OTUD7A: variants seen among roughly 807,000 people sequenced by gnomAD.
OTUD7A encodes OTU domain-containing protein 7A.
A neutral mutation model predicts 65.7 loss-of-function variants in OTUD7A; 12 were observed. That is an observed-to-expected ratio of 0.18 (90% CI 0.12 to 0.30). The LOEUF (loss-of-function observed/expected upper bound fraction) is 0.30. Ranked by LOEUF, OTUD7A falls within the 10% of genes least tolerant of loss-of-function variation. The pLI is 1.00. For missense variants in OTUD7A, 1,148 were observed against 1,304.8 expected (o/e 0.88, Z 1.85); for synonymous variants, 641 against 586.3 (o/e 1.09, Z -1.35).
chr15:31,577,699 C>CAA (rs1166272872), intron 3 of OTUD7A, among the ~76,000 whole-genome samples: 1 of 151,436 alleles, frequency 6.6e-6, no homozygotes, highest in Non-Finnish European at 1.5e-5. Flanking sequence ...GACTCCGTCT[C>CAA]AAAAAATATA....
At chr15:31,591,562 T>C (rs1889724681) in intron 3 of OTUD7A, among the ~76,000 whole-genome samples, 1 of 152,182 alleles carries the variant, frequency 6.6e-6, no homozygotes, top group Admixed American at 6.5e-5. Context: ...GGCCTTGGAC[T>C]CAGCTGGAAC....
chr15:31,622,926 G>A (rs1355811133), intron 3 of OTUD7A, among the ~76,000 whole-genome samples: 2 of 152,164 alleles, frequency 1.3e-5, no homozygotes, highest in African/African-American at 4.8e-5. Flanking sequence ...TGATGGTGAC[G>A]TACAGATGGG....
chr15:31,553,808 T>C (rs1260792007), intron 5 of OTUD7A, among the ~76,000 whole-genome samples: 1 of 152,046 alleles, frequency 6.6e-6, no homozygotes, highest in Non-Finnish European at 1.5e-5. Flanking sequence ...CTCTCTGCCC[T>C]GGTCTGGAGC....
chr15:31,609,557 C>T (rs1160846826), intron 3 of OTUD7A, among the ~76,000 whole-genome samples: 1 of 152,122 alleles, frequency 6.6e-6, no homozygotes, highest in African/African-American at 2.4e-5. Flanking sequence ...ACAGCAGCCG[C>T]AGCACAGCAA....
rs373553586 is a variant in OTUD7A, at chr15:31,702,640, T to C, written c.-99-45563A>G. ...TGTAGAAACATACTGTGTCCACAGA[T>C]TGAAAAACTCAATACACTAATGATG... On this transcript the variant is annotated intron_variant, in intron 1 of 12. Coordinates refer to ENST00000307050, the MANE Select transcript of OTUD7A (RefSeq NM_001382637.1). 3.4e-4 allele frequency among the ~76,000 whole-genome samples: 51 copies of C among 152,134 alleles called. No individual in the cohort carries two copies. In the South Asian group the frequency reaches 9.6e-3, roughly 28 times the overall value.
At chr15:31,703,015 C>T (rs1292456252) in intron 1 of OTUD7A, among the ~76,000 whole-genome samples, 1 of 151,736 alleles carries the variant, frequency 6.6e-6, no homozygotes, top group East Asian at 1.9e-4. Flanking sequence ...GAACAAGGGA[C>T]AGGCATAGGC....
intron 3 of OTUD7A, among the ~76,000 whole-genome samples, chr15:31,613,328 T>TA (rs764021176): frequency 6.6e-6 from 1 of 151,998 alleles, no homozygotes; most frequent in African/African-American, 2.4e-5. Context: ...TTTTGCATGG[T>TA]AAAAGGAACA....
intron 3 of OTUD7A, among the ~76,000 whole-genome samples, chr15:31,631,399 G>T (rs1275909084): frequency 6.6e-6 from 1 of 152,208 alleles, no homozygotes; most frequent in Non-Finnish European, 1.5e-5. Context: ...TTTTCTTTAA[G>T]AATGTTGAAT....
At chr15:31,602,706 C>A (rs1890116261) in intron 3 of OTUD7A, among the ~76,000 whole-genome samples, 1 of 152,152 alleles carries the variant, frequency 6.6e-6, no homozygotes, top group Non-Finnish European at 1.5e-5. Flanking sequence ...TAGAAAACCC[C>A]ACCATTTCAG....
chr15:31,644,182 T>C (rs1891598102), intron 3 of OTUD7A, among the ~76,000 whole-genome samples: 1 of 152,066 alleles, frequency 6.6e-6, no homozygotes, highest in Admixed American at 6.5e-5. Context: ...TTTCACACCC[T>C]ATGTAGGTAA....
intron 1 of OTUD7A, among the ~76,000 whole-genome samples, chr15:31,868,873 G>A (rs1024195609): frequency 1.3e-5 from 2 of 152,118 alleles, no homozygotes; most frequent in African/African-American, 4.8e-5. Flanking sequence ...CACCAATACA[G>A]GGTTCAAGAG....
At chr15:31,765,924 CTGTT>C (rs1311441787) in intron 1 of OTUD7A, 34 of 1,293,594 alleles carry the variant, frequency 2.6e-5, no homozygotes, top group Non-Finnish European at 3.7e-5. Flanking sequence ...AGGTAAAGTC[CTGTT>C]TTTAACAATA....
At chr15:31,751,189 C>A (rs545553420) in intron 1 of OTUD7A, among the ~76,000 whole-genome samples, 220 of 151,868 alleles carry the variant, frequency 1.4e-3, no homozygotes, top group African/African-American at 5.2e-3. Flanking sequence ...GGACTAATAT[C>A]CATAATCTAT....
intron 1 of OTUD7A, among the ~76,000 whole-genome samples, chr15:31,669,481 C>T (rs996094746): frequency 6.6e-5 from 10 of 152,182 alleles, no homozygotes; most frequent in South Asian, 2.1e-4. Context: ...TCCGAAGGGC[C>T]GGTCTTCTCC....
At chr15:31,789,706 CT>C (rs11354353) in intron 1 of OTUD7A, among the ~76,000 whole-genome samples, 84,898 of 105,900 alleles carry the variant, frequency 0.8, 34,053 homozygotes, top group East Asian at 0.93. Flanking sequence ...CAATGCTGCC[CT>C]TTTTTTTTTT....
In OTUD7A at chr15:31,483,980, C is replaced by T; in HGVS notation, c.2116G>A (p.Glu706Lys). 8.8e-7 allele frequency: 1 copy of T among 1,136,826 alleles called. No individual in the cohort carries two copies. The allele number at this position is 1,136,826 out of a possible 1,614,324, so 70.4% of individuals were successfully genotyped here. A position where few individuals can be genotyped will look rare whatever the true frequency, so the allele number is the denominator to read the frequency against. ...ATAKRPPRRP[E>K]TEGVPVPERA... Reference sequence around the variant, plus strand: ...TCCGGGACCGGCACGCCCTCCGTCTCCGGTCTGCGCGGCGGCCGCTTGGCC... The same window carrying T: ...TCCGGGACCGGCACGCCCTCCGTCTTCGGTCTGCGCGGCGGCCGCTTGGCC... The change falls in exon 13 of 13, where the codon GAG becomes AAG. Residue 706 changes from glutamate (E) to lysine (K), a missense_variant. This residue lies in a region of OTUD7A where 842 missense variants were observed against 769.5 expected (regional missense o/e 1.09). Coordinates refer to ENST00000307050, the MANE Select transcript of OTUD7A (RefSeq NM_001382637.1).
chr15:31,845,207 G>A (rs1897269156), intron 1 of OTUD7A, among the ~76,000 whole-genome samples: 1 of 152,162 alleles, frequency 6.6e-6, no homozygotes, highest in Non-Finnish European at 1.5e-5. Context: ...CCCAGGCACT[G>A]GGCATCCTCT....
chr15:31,563,335 G>A (rs898761196), intron 4 of OTUD7A, among the ~76,000 whole-genome samples: 1 of 152,180 alleles, frequency 6.6e-6, no homozygotes, highest in Admixed American at 6.5e-5. Flanking sequence ...GCACAAGACC[G>A]AGCCAAGGAC....
chr15:31,499,617 G>A (rs899775944), intron 10 of OTUD7A, among the ~76,000 whole-genome samples: 1 of 152,358 alleles, frequency 6.6e-6, no homozygotes, highest in East Asian at 1.9e-4. Context: ...AAGGTCTAAG[G>A]GGGCACAAGG....
Sources: gnomAD v4.1 joint callset for allele counts (sites outside exome capture counted in the v4.1 genomes callset) on GRCh38, gnomAD v4.1.1 for gene constraint, gnomAD v4.1.1 regional missense constraint, MANE v1.5 for transcripts, NCBI Gene and HGNC (gene_info 2026-07-23, HGNC 2026-07-21) for gene names.